The following ASCC3 variants were observed in gnomAD, a reference collection of about 807,000 sequenced individuals.
ASCC3 encodes the protein activating signal cointegrator 1 complex subunit 3.
A neutral mutation model predicts 256.3 loss-of-function variants in ASCC3; 158 were observed. The observed-to-expected ratio is 0.62, with a 90% confidence interval of 0.54 to 0.70. The LOEUF is 0.70. ASCC3 is among the 30% of genes least tolerant of loss of function. The probability of loss-of-function intolerance (pLI) is 0.00; values close to 1 mark genes in which losing one functional copy is unlikely to be tolerated. For missense variants in ASCC3, 2,259 were observed against 2,626.0 expected (o/e 0.86, Z 3.05); for synonymous variants, 948 against 883.4 (o/e 1.07, Z -1.30).
chr6:100,642,470 A>G (rs1355194019), intron 24 of ASCC3, 111 bp downstream of exon 24: 2 of 1,088,712 alleles, frequency 1.8e-6, no homozygotes, highest in Non-Finnish European at 1.4e-6. Flanking sequence ...GTTATAGAGA[A>G]GTTATAATGA....
chr6:100,827,668 C>G (rs1300400747), intron 4 of ASCC3, among the ~76,000 whole-genome samples: 1 of 151,858 alleles, frequency 6.6e-6, no homozygotes, highest in Non-Finnish European at 1.5e-5. Context: ...CTATAATGTC[C>G]AAAAAACAAG....
chr6:100,643,334 A>G (rs915656574), intron 23 of ASCC3, among the ~76,000 whole-genome samples: 1 of 152,192 alleles, frequency 6.6e-6, no homozygotes, highest in Admixed American at 6.5e-5. Flanking sequence ...TGATTTATAA[A>G]GAAATTTAGA....
chr6:100,867,083 T>C (rs749456577), intron 2 of ASCC3, among the ~76,000 whole-genome samples: 7 of 152,204 alleles, frequency 4.6e-5, no homozygotes, highest in Non-Finnish European at 1.0e-4. Flanking sequence ...ATGCCCTAAT[T>C]TGTGATTCAG....
At chr6:100,510,377 T>A (rs1003652747) in intron 40 of ASCC3, 2 of 386,350 alleles carry the variant, frequency 5.2e-6, no homozygotes, top group African/African-American at 2.0e-5. Context: ...TAAAAAACTC[T>A]GGATCTTGAC....
intron 36 of ASCC3, among the ~76,000 whole-genome samples, chr6:100,542,420 C>T (rs1394599134): frequency 1.3e-5 from 2 of 152,128 alleles, no homozygotes; most frequent in Non-Finnish European, 2.9e-5. Flanking sequence ...CGGTGGCTCA[C>T]GCCTGTAATC....
chr6:100,779,451 TG>T (rs1582851157), intron 8 of ASCC3, among the ~76,000 whole-genome samples: 1 of 152,226 alleles, frequency 6.6e-6, no homozygotes, highest in East Asian at 1.9e-4. Flanking sequence ...ATTAAAAAAC[TG>T]GAAGAAAATA....
In ASCC3 at chr6:100,687,030, TCTCTCACA is replaced by T. The variant is rs1205464625; in HGVS notation, c.2152-7286_2152-7279del. Among the ~76,000 whole-genome samples, 66 of 129,346 alleles carry T rather than the reference TCTCTCACA, an allele frequency of 5.1e-4. 1 individual carries two copies. In the South Asian group the frequency reaches 0.013, roughly 25 times the overall value. The allele number at this position is 129,346 out of a possible 152,430, so 84.9% of individuals were successfully genotyped here. ...ACTTAAATCTCTCTCTCTCTCTCTC[TCTCTCACA>T]CACACACACACACACACACACACAC... is the stretch of plus-strand genomic sequence containing the variant. On this transcript the variant is annotated intron_variant, in intron 13 of 41. Transcript: ENST00000369162.
chr6:100,646,655 A>G lies in ASCC3; in HGVS notation c.3593T>C (p.Val1198Ala). The G allele has an allele frequency of 1.2e-6, 2 of 1,614,024 alleles. No individual in the cohort carries two copies. The highest frequency in any genetic ancestry group is 1.7e-6 in the Non-Finnish European group (2 of 1,179,986). Residue 1198 changes from valine to alanine, a missense_variant, in exon 22 of 42, where the codon GTG (valine) becomes GCG (alanine). Val to Ala is a moderately conservative substitution (Grantham distance 64). Around this residue, in one of 2 missense-constraint regions of ASCC3, gnomAD observed 1,839 missense variants for 2,206.7 expected, o/e 0.83. Coordinates refer to ENST00000369162, the MANE Select transcript of ASCC3 (RefSeq NM_006828.4). ...GAAATCAGCATAGATGCTGAGTGTCACTCGGAGGACAGTCCTTGTGATAGG... is the reference window on the plus strand; with the variant it reads ...GAAATCAGCATAGATGCTGAGTGTCGCTCGGAGGACAGTCCTTGTGATAGG... ...IQPITRTVLR[V>A]TLSIYADFTW...
At chr6:100,565,428 T>C (rs1770185628) in intron 36 of ASCC3, among the ~76,000 whole-genome samples, 1 of 152,166 alleles carries the variant, frequency 6.6e-6, no homozygotes, top group African/African-American at 2.4e-5. Flanking sequence ...ATAATTACTT[T>C]ATGATTTCTT....
chr6:100,840,487 GCTT>G (rs1224373245), intron 4 of ASCC3, among the ~76,000 whole-genome samples: 2 of 69,332 alleles, frequency 2.9e-5, no homozygotes, highest in Non-Finnish European at 5.6e-5. Flanking sequence ...GCCACGCCAG[GCTT>G]TTTTTTTTTT....
In ASCC3 at chr6:100,761,913, C is replaced by T. The variant is rs903128208; in HGVS notation, c.1737+4652G>A. Among the ~76,000 whole-genome samples, 6 of 152,094 alleles carry T rather than the reference C, an allele frequency of 3.9e-5. No homozygotes were observed. The South Asian group carries it at 1.2e-3, about 32-fold the overall frequency. On this transcript the variant is annotated intron_variant, in intron 10 of 41. Coordinates refer to ENST00000369162, the MANE Select transcript of ASCC3 (RefSeq NM_006828.4). ...CCCTATCTCCAACTACCCTTTATTCCCACCCTTATCCCATATATTGAAATA... is the reference window on the plus strand; with the variant it reads ...CCCTATCTCCAACTACCCTTTATTCTCACCCTTATCCCATATATTGAAATA...
chr6:100,837,571 C>G (rs1263383934), intron 4 of ASCC3, among the ~76,000 whole-genome samples: 1 of 152,092 alleles, frequency 6.6e-6, no homozygotes, highest in Non-Finnish European at 1.5e-5. Context: ...GGAATCCTGT[C>G]TCTTGCAACA....
chr6:100,796,010 G>T (rs971929812), intron 8 of ASCC3, among the ~76,000 whole-genome samples: 1 of 152,006 alleles, frequency 6.6e-6, no homozygotes, highest in African/African-American at 2.4e-5. Context: ...ATAGCAAATG[G>T]TTTATTTATT....
intron 1 of ASCC3, among the ~76,000 whole-genome samples, chr6:100,872,123 T>C (rs1160128777): frequency 1.3e-5 from 2 of 152,166 alleles, no homozygotes; most frequent in Non-Finnish European, 2.9e-5. Flanking sequence ...CCACACAAGT[T>C]AGTGCTTTCA....
At chr6:100,569,352 C>T (rs1318938233) in intron 36 of ASCC3, among the ~76,000 whole-genome samples, 1 of 151,954 alleles carries the variant, frequency 6.6e-6, no homozygotes, top group East Asian at 1.9e-4. Flanking sequence ...GAATACCATG[C>T]TGTTTTGGTT....
intron 34 of ASCC3, among the ~76,000 whole-genome samples, chr6:100,594,237 T>C (rs1351915166): frequency 6.6e-6 from 1 of 152,132 alleles, no homozygotes; most frequent in Non-Finnish European, 1.5e-5. Context: ...TAAGTAAACC[T>C]CAGTCTCTTT....
intron 13 of ASCC3, among the ~76,000 whole-genome samples, chr6:100,712,696 G>C (rs1778906998): frequency 6.7e-6 from 1 of 150,126 alleles, no homozygotes; most frequent in African/African-American, 2.4e-5. Context: ...AAGATAGTTT[G>C]GTAGTTTTTT....
intron 8 of ASCC3, among the ~76,000 whole-genome samples, chr6:100,781,092 GT>G (rs1268472730): frequency 3.3e-5 from 5 of 152,034 alleles, no homozygotes; most frequent in Admixed American, 1.3e-4. Context: ...CAGTGATGTT[GT>G]TTTTTTCCTC....
rs1777601423 is a variant in ASCC3 at position 100,687,026 on chromosome 6, TCTCTCTCTCACACA to T, written c.2152-7288_2152-7275del. Among the ~76,000 whole-genome samples, 7 of 73,238 alleles carry T rather than the reference TCTCTCTCTCACACA, an allele frequency of 9.6e-5. No individual in the cohort carries two copies. In the South Asian group the frequency reaches 2.4e-3, roughly 25 times the overall value. The allele number at this position is 73,238 out of a possible 152,430, so 48.0% of individuals were successfully genotyped here. A position where few individuals can be genotyped will look rare whatever the true frequency, so the allele number is the denominator to read the frequency against. ...CTGTACTTAAATCTCTCTCTCTCTC[TCTCTCTCTCACACA>T]CACACACACACACACACACACACAC... On this transcript the variant is annotated intron_variant, in intron 13 of 41. Coordinates refer to ENST00000369162, the MANE Select transcript of ASCC3 (RefSeq NM_006828.4).
Sources: allele counts gnomAD v4.1 joint callset (sites outside exome capture counted in the v4.1 genomes callset), GRCh38; gene constraint gnomAD v4.1.1; regional missense constraint gnomAD v4.1.1; transcripts MANE v1.5; gene names NCBI Gene and HGNC (gene_info 2026-07-23, HGNC 2026-07-21).